B4GALNT1: variants seen among roughly 807,000 people sequenced by gnomAD.
The protein encoded by B4GALNT1 is beta-1,4 N-acetylgalactosaminyltransferase 1.
Under a neutral mutation model 55.2 loss-of-function variants are expected in B4GALNT1, and 43 were observed. The observed-to-expected ratio is 0.78, with a 90% CI of 0.61 to 1.00. The LOEUF (loss-of-function observed/expected upper bound fraction) is 1.00, where lower values mean the gene tolerates loss of function less well. B4GALNT1 is among the 50% of genes least tolerant of loss of function. The pLI is 0.00. For missense variants in B4GALNT1, 664 were observed against 729.7 expected (o/e 0.91, Z 1.04); for synonymous variants, 305 against 311.6 (o/e 0.98, Z 0.22).
chr12:57,628,215 C>T lies in B4GALNT1; in HGVS notation c.1050G>A (p.Lys350=), dbSNP rs1167901551. ...RNLAVSQVTT[K]YVLWVDDDFV... ...AGTCGTCGTCCACCCACAGCACGTA[C>T]TTGGTGGTTACTTGAGACACGGCCA... Residue 350 remains lysine (K), a synonymous_variant, in exon 9 of 11, where the codon AAG becomes AAA. Transcript: ENST00000341156. 5.0e-6 allele frequency: 8 copies of T among 1,614,184 alleles called. No homozygotes were observed. The East Asian group carries it at 1.1e-4, about 22-fold the overall frequency.
chr12:57,630,135 C>T lies in B4GALNT1; in HGVS notation c.712+17G>A. ...CTGTTTGCCCAGCCTGCCCGTCTCT[C>T]CACCCAGGCCTTGCACCTGTGTCTG... On this transcript the variant is annotated intron_variant, in intron 6 of 10. Coordinates refer to ENST00000341156, the MANE Select transcript of B4GALNT1 (RefSeq NM_001478.5). The T allele has an allele frequency of 6.2e-7, 1 of 1,614,260 alleles. No homozygotes were observed. The highest frequency in any genetic ancestry group is 1.1e-5 in the South Asian group (1 of 91,088).
rs750508456 is a variant in B4GALNT1 at position 57,628,781 on chromosome 12, C to T, written c.934G>A (p.Asp312Asn). 6.2e-7 allele frequency: 1 copy of T among 1,614,242 alleles called. No homozygotes were observed. The highest frequency in any genetic ancestry group is 1.1e-5 in the South Asian group (1 of 91,084). Residue 312 changes from aspartate to asparagine, a missense_variant, in exon 8 of 11, where the codon GAC (aspartate) becomes AAC (asparagine). Coordinates refer to ENST00000341156, the MANE Select transcript of B4GALNT1 (RefSeq NM_001478.5). ...FYPTVTVVIADDSDKPERVSG... is the reference protein window; with the variant it reads ...FYPTVTVVIANDSDKPERVSG... ...ACGCGCTCTGGCTTGTCGCTGTCGT[C>T]AGCGATGACCACGGTAACCGTTGGG...
Position 57,625,728 on chromosome 12 carries a change from C to A in B4GALNT1, c.*1016G>T, listed in dbSNP as rs200334584. 43 of 1,531,904 alleles carry A rather than the reference C, an allele frequency of 2.8e-5. No homozygotes were observed. Among genetic ancestry groups the A allele is most frequent in the Non-Finnish European group, 2.2e-5 (25 of 1,141,798 alleles). 94.9% of individuals were successfully genotyped at this position (1,531,904 alleles called of 1,614,324 possible). A position where few individuals can be genotyped will look rare whatever the true frequency, so the allele number is the denominator to read the frequency against. ...CACCAGGAGCGGGAGCCAGGAGGCA[C>A]TGGGCTGCGGCAAGTGAGGCAGGGG... On this transcript the variant is annotated 3_prime_UTR_variant, in exon 11 of 11. Transcript: ENST00000341156.
intron 2 of B4GALNT1, 127 bp from the exon 3 acceptor site, chr12:57,631,491 A>C: frequency 1.9e-6 from 2 of 1,070,424 alleles, no homozygotes; most frequent in South Asian, 1.5e-5. Flanking sequence ...GTCCCCTTAA[A>C]TGCTGCCCTT....
intron 6 of B4GALNT1, chr12:57,629,575 A>C: frequency 2.3e-6 from 1 of 426,246 alleles, no homozygotes. Context: ...AGATACTGGT[A>C]AGTATTGAGT....
Position 57,630,651 on chromosome 12 carries a change from C to T in B4GALNT1, c.491-133G>A, listed in dbSNP as rs760340075. 1.6e-3 allele frequency: 1,729 copies of T among 1,085,602 alleles called. 4 individuals carry two copies. Among genetic ancestry groups the T allele is most frequent in the Non-Finnish European group, 1.6e-3 (1,251 of 765,990 alleles). 67.2% of individuals were successfully genotyped at this position (1,085,602 alleles called of 1,614,324 possible). A position where few individuals can be genotyped will look rare whatever the true frequency, so the allele number is the denominator to read the frequency against. The stretch of plus-strand genomic sequence containing the variant: ...TTCTTATTGAGGCCTCAGCAGGGCA[C>T]ACTGTATAACATAGCCTACAGTGAC... On this transcript the variant is annotated intron_variant, in intron 4 of 10. Coordinates refer to ENST00000341156, the MANE Select transcript of B4GALNT1 (RefSeq NM_001478.5).
Position 57,623,415 on chromosome 12 carries a change from TAA to T in B4GALNT1, c.*3327_*3328del, listed in dbSNP as rs780166977. 29 of 492,238 alleles carry T rather than the reference TAA, an allele frequency of 5.9e-5. 1 individual carries two copies. The highest frequency in any genetic ancestry group is 1.4e-4 in the African/African-American group (7 of 51,226). The allele number at this position is 492,238 out of a possible 1,614,324, so 30.5% of individuals were successfully genotyped here. On this transcript the variant is annotated 3_prime_UTR_variant, in exon 11 of 11. Coordinates refer to ENST00000341156, the MANE Select transcript of B4GALNT1 (RefSeq NM_001478.5). Reference sequence around the variant, plus strand: ...AAAACACAAAACTATAAAATAAACTTAAGAGATAAAATTCTTATTTTTTTCAC... The same window carrying T: ...AAAACACAAAACTATAAAATAAACTTGAGATAAAATTCTTATTTTTTTCAC...
At position 57,629,104 on chromosome 12, in the gene B4GALNT1, C is replaced by T. The variant is rs139453491; in HGVS notation, c.755G>A (p.Arg252His). The change falls in exon 7 of 11, where the codon CGC becomes CAC. Residue 252 changes from arginine (R) to histidine (H), a missense_variant. Physicochemically the swap from Arg to His is conservative, Grantham distance 29 (BLOSUM62 0). Transcript: ENST00000341156. ...TEGHEAAFTI[R>H]IRHPPNPRLY... ...CCGAGGGTTGGGCGGGTGTCTTATG[C>T]GGATAGTGAAAGCAGCCTCATGTCC... The T allele has an allele frequency of 5.0e-6, 8 of 1,598,214 alleles. No homozygotes were observed. Among genetic ancestry groups the T allele is most frequent in the East Asian group, 2.2e-5 (1 of 44,504 alleles).
rs1885033429 is a variant in B4GALNT1, at chr12:57,629,067, A to T, written c.792T>A (p.Pro264=). The T allele has an allele frequency of 6.3e-7, 1 of 1,589,748 alleles. No homozygotes were observed. The highest frequency in any genetic ancestry group is 8.6e-7 in the Non-Finnish European group (1 of 1,163,734). The part of the protein sequence containing the change: ...RHPPNPRLYP[P]GSLPQGAQYN... The stretch of plus-strand genomic sequence containing the variant: ...CCTCACCTCCCTGGGGTAGAGACCC[A>T]GGTGGGTACAGCCGAGGGTTGGGCG... The change falls in exon 7 of 11, where the codon CCT becomes CCA. Residue 264 remains proline (P), a synonymous_variant. Coordinates refer to ENST00000341156, the MANE Select transcript of B4GALNT1 (RefSeq NM_001478.5).
rs1410961873 is a variant in B4GALNT1 at position 57,629,141 on chromosome 12, A to G, written c.718T>C (p.Phe240Leu). The stretch of plus-strand genomic sequence containing the variant: ...GCAGCCTCATGTCCCTCGGTGGAGA[A>G]CCGGACTGGGAAGAAAGGACATGGC... ...YQTNTADTVR[F>L]STEGHEAAFT... The change falls in exon 7 of 11, where the codon TTC becomes CTC. Residue 240 changes from phenylalanine to leucine, a missense_variant. Coordinates refer to ENST00000341156, the MANE Select transcript of B4GALNT1 (RefSeq NM_001478.5). 1 of 1,589,476 alleles carries G rather than the reference A, an allele frequency of 6.3e-7. No homozygotes were observed. The highest frequency in any genetic ancestry group is 8.6e-7 in the Non-Finnish European group (1 of 1,163,796).
In B4GALNT1 at chr12:57,624,801, G is replaced by A. The variant is rs772406133; in HGVS notation, c.*1943C>T. 4.7e-6 allele frequency: 7 copies of A among 1,487,376 alleles called. No individual in the cohort carries two copies. The highest frequency in any genetic ancestry group is 6.6e-6 in the Non-Finnish European group (7 of 1,064,908). 92.1% of individuals were successfully genotyped at this position (1,487,376 alleles called of 1,614,324 possible). ...CTCAGAGGAAGCCCCAGGGTGGGTG[G>A]GCTGCAGCCAAAGAAGGAAGGGAAG... On this transcript the variant is annotated 3_prime_UTR_variant, in exon 11 of 11. Coordinates refer to ENST00000341156, the MANE Select transcript of B4GALNT1 (RefSeq NM_001478.5).
intron 4 of B4GALNT1, 112 bp downstream of exon 4, chr12:57,630,868 C>A: frequency 9.4e-7 from 1 of 1,061,658 alleles, no homozygotes; most frequent in Non-Finnish European, 1.4e-6. Flanking sequence ...GTCCCCCATT[C>A]ATCAGAGGTT....
chr12:57,632,414 T>C (rs1885286542), intron 1 of B4GALNT1: 2 of 552,338 alleles, frequency 3.6e-6, no homozygotes, highest in Non-Finnish European at 6.5e-6. Context: ...TGAAGACATT[T>C]GGATGCCGCG....
rs1278232794 is a variant in B4GALNT1 at position 57,631,999 on chromosome 12, C to A, written c.134G>T (p.Ser45Ile). ...ATCTGGCAGCTCGGGCCTGCGGGGGCTTTGCGGGGGCGCCCACGGCGCAAG... is the reference window on the plus strand; with the variant it reads ...ATCTGGCAGCTCGGGCCTGCGGGGGATTTGCGGGGGCGCCCACGGCGCAAG... ...LPLAPWAPPQ[S>I]PRRPELPDLA... is the part of the protein sequence containing the mutation. Residue 45 changes from serine to isoleucine, a missense_variant, in exon 2 of 11, where the codon AGC becomes ATC. Coordinates refer to ENST00000341156, the MANE Select transcript of B4GALNT1 (RefSeq NM_001478.5). 6 of 1,454,022 alleles carry A rather than the reference C, an allele frequency of 4.1e-6. No homozygotes were observed. The highest frequency in any genetic ancestry group is 2.8e-5 in the Admixed American group (1 of 35,898). 90.1% of individuals were successfully genotyped at this position (1,454,022 alleles called of 1,614,324 possible). A position where few individuals can be genotyped will look rare whatever the true frequency, so the allele number is the denominator to read the frequency against.
rs1884842111 is a variant in B4GALNT1, at chr12:57,626,833, G to A, written c.1513C>T (p.Arg505Cys). Residue 505 changes from arginine to cysteine, a missense_variant, in exon 11 of 11, where the codon CGT (arginine) becomes TGT (cysteine). Arg to Cys is a radical substitution (Grantham distance 180, BLOSUM62 -3). Coordinates refer to ENST00000341156, the MANE Select transcript of B4GALNT1 (RefSeq NM_001478.5). ...DAGAETYARY[R>C]YPGSLDESQM... is the part of the protein sequence containing the mutation. ...CTCTCGTCCAGTGATCCTGGGTAAC[G>A]GTACCGGGCGTAAGTCTCTGCTCCG... 1 of 1,614,206 alleles carries A rather than the reference G, an allele frequency of 6.2e-7. No individual in the cohort carries two copies. Among genetic ancestry groups the A allele is most frequent in the Non-Finnish European group, 8.5e-7 (1 of 1,180,044 alleles).
In B4GALNT1 at chr12:57,631,338, C is replaced by A; in HGVS notation, c.245G>T (p.Cys82Phe). 6.2e-7 allele frequency: 1 copy of A among 1,614,126 alleles called. No individual in the cohort carries two copies. The highest frequency in any genetic ancestry group is 8.5e-7 in the Non-Finnish European group (1 of 1,179,998). Residue 82 changes from cysteine (C) to phenylalanine (F), a missense_variant, in exon 3 of 11, where the codon TGT becomes TTT. Physicochemically the swap from Cys to Phe is radical, Grantham distance 205. Coordinates refer to ENST00000341156, the MANE Select transcript of B4GALNT1 (RefSeq NM_001478.5). The part of the protein sequence containing the change: ...VGLLAWNNCS[C>F]ESSGGGLPLP... ...GGGGAGGCCCCCCCCACTGGACTCA[C>A]AACTGCAGTTGTTCCAAGCCAGCAG...
rs1885244547 is a variant in B4GALNT1, at chr12:57,631,985, C to T, written c.148G>A (p.Glu50Lys). The change falls in exon 2 of 11, where the codon GAG becomes AAG. Residue 50 changes from glutamate (E) to lysine (K), a missense_variant. By Grantham distance (56) the Glu-to-Lys change is moderately conservative. Coordinates refer to ENST00000341156, the MANE Select transcript of B4GALNT1 (RefSeq NM_001478.5). ...WAPPQSPRRPELPDLAPEPRY... is the reference protein window; with the variant it reads ...WAPPQSPRRPKLPDLAPEPRY... Reference sequence around the variant, plus strand: ...GGCTCAGGAGCAAGATCTGGCAGCTCGGGCCTGCGGGGGCTTTGCGGGGGC... The same window carrying T: ...GGCTCAGGAGCAAGATCTGGCAGCTTGGGCCTGCGGGGGCTTTGCGGGGGC... 2 of 1,454,938 alleles carry T rather than the reference C, an allele frequency of 1.4e-6. No homozygotes were observed. The highest frequency in any genetic ancestry group is 2.5e-5 in the East Asian group (1 of 39,654). The allele number at this position is 1,454,938 out of a possible 1,614,324, so 90.1% of individuals were successfully genotyped here. A position where few individuals can be genotyped will look rare whatever the true frequency, so the allele number is the denominator to read the frequency against.
chr12:57,630,401 C>A, intron 5 of B4GALNT1, 69 bp from the exon 6 acceptor site: 1 of 1,598,560 alleles, frequency 6.3e-7, no homozygotes, highest in Non-Finnish European at 8.5e-7. Flanking sequence ...TTCGCCCATC[C>A]TTCCCTTAGT....
Position 57,624,908 on chromosome 12 carries a change from C to G in B4GALNT1, c.*1836G>C. On this transcript the variant is annotated 3_prime_UTR_variant, in exon 11 of 11. Transcript: ENST00000341156. Reference sequence around the variant, plus strand: ...GCTCTGCATCCTGAGCTATCCAACACCACTGTACTTTGGGACCCGTGGGCA... The same window carrying G: ...GCTCTGCATCCTGAGCTATCCAACAGCACTGTACTTTGGGACCCGTGGGCA... The G allele has an allele frequency of 6.2e-7, 1 of 1,614,192 alleles. No homozygotes were observed. Among genetic ancestry groups the G allele is most frequent in the Non-Finnish European group, 8.5e-7 (1 of 1,180,036 alleles).
Sources: allele counts gnomAD v4.1 joint callset, GRCh38; gene constraint gnomAD v4.1.1; transcripts MANE v1.5; gene names NCBI Gene and HGNC (gene_info 2026-07-23, HGNC 2026-07-21).